Variants in ACVR2A observed in about 807,000 individuals in gnomAD.
The protein encoded by ACVR2A is activin receptor type-2A.
Under a neutral mutation model 61.4 loss-of-function variants are expected in ACVR2A, and 7 were observed. The observed-to-expected ratio is 0.11, with a 90% CI of 0.06 to 0.21. ACVR2A has a LOEUF of 0.21. Ranked by LOEUF, ACVR2A falls within the 10% of genes least tolerant of loss-of-function variation. ACVR2A has a pLI of 1.00. For synonymous variants in ACVR2A, 193 were observed against 208.3 expected, an observed-to-expected ratio of 0.93 and a Z score of 0.63; for missense variants, 322 against 621.7, an observed-to-expected ratio of 0.52 and a Z score of 5.13.
intron 1 of ACVR2A, among the ~76,000 whole-genome samples, chr2:147,893,305 A>T (rs1686635722): frequency 6.6e-6 from 1 of 152,138 alleles, no homozygotes; most frequent in Non-Finnish European, 1.5e-5. Flanking sequence ...GAGTGTTTTT[A>T]GTTTTCAGAG....
chr2:147,907,110 G>C (rs553312408), intron 4 of ACVR2A, among the ~76,000 whole-genome samples: 1 of 152,126 alleles, frequency 6.6e-6, no homozygotes, highest in Non-Finnish European at 1.5e-5. Flanking sequence ...CTGTTCCTGG[G>C]TTAGTTTGCT....
At chr2:147,882,250 A>G (rs374246907) in intron 1 of ACVR2A, among the ~76,000 whole-genome samples, 63 of 152,288 alleles carry the variant, frequency 4.1e-4, no homozygotes, top group Admixed American at 2.0e-4. Flanking sequence ...AGGAATTAAC[A>G]TTAGAAGACC....
At chr2:147,908,074 G>C (rs1159973956) in intron 4 of ACVR2A, among the ~76,000 whole-genome samples, 1 of 144,244 alleles carries the variant, frequency 6.9e-6, no homozygotes, top group East Asian at 2.0e-4. Context: ...GAAAAAAAAA[G>C]CAAAGTAGGA....
intron 1 of ACVR2A, among the ~76,000 whole-genome samples, chr2:147,859,157 T>TA (rs1685660838): frequency 6.6e-6 from 1 of 152,172 alleles, no homozygotes; most frequent in South Asian, 2.1e-4. Flanking sequence ...CAACTTTGTT[T>TA]TACCCCCAAG....
At position 147,927,606 on chromosome 2, in the gene ACVR2A, A is replaced by ATGTC. The variant is rs1388965322; in HGVS notation, c.*337_*340dup. 3.7e-5 allele frequency: 7 copies of ATGTC among 186,858 alleles called. No individual in the cohort carries two copies. Among genetic ancestry groups the ATGTC allele is most frequent in the African/African-American group, 1.6e-4 (7 of 42,882 alleles). The allele number at this position is 186,858 out of a possible 1,614,324, so 11.6% of individuals were successfully genotyped here. A position where few individuals can be genotyped will look rare whatever the true frequency, so the allele number is the denominator to read the frequency against. ...TTGAAAACTGACATCAGATTTCTTA[A>ATGTC]TGTCTGTCAGAAGACACTAATTCCT... On this transcript the variant is annotated 3_prime_UTR_variant, in exon 11 of 11. Transcript: ENST00000241416.
intron 1 of ACVR2A, among the ~76,000 whole-genome samples, chr2:147,888,797 C>T (rs1344132217): frequency 1.3e-5 from 2 of 151,102 alleles, no homozygotes; most frequent in African/African-American, 4.9e-5. Flanking sequence ...AAGTTCTTTT[C>T]CTTGCCTTAT....
intron 6 of ACVR2A, among the ~76,000 whole-genome samples, 159 bp from the exon 7 acceptor site, chr2:147,918,288 A>T (rs1445087513): frequency 6.6e-6 from 1 of 151,984 alleles, no homozygotes; most frequent in Non-Finnish European, 1.5e-5. Context: ...AAATGGAAGG[A>T]AATTTGAACC....
chr2:147,878,444 C>CT (rs199940101), intron 1 of ACVR2A, among the ~76,000 whole-genome samples: 21,598 of 144,964 alleles, frequency 0.15, 1,865 homozygotes, highest in Middle Eastern at 0.24. Flanking sequence ...AAGACTTTTA[C>CT]TTTTTTTTTT....
Position 147,927,462 on chromosome 2 carries a change from G to T in ACVR2A, c.*188G>T, listed in dbSNP as rs935586979. ...ACTGCATTGCCGACAGCACAGATGTGAAGGACATGAGACTAAGAGAAACCT... is the reference window on the plus strand; with the variant it reads ...ACTGCATTGCCGACAGCACAGATGTTAAGGACATGAGACTAAGAGAAACCT... On this transcript the variant is annotated 3_prime_UTR_variant, in exon 11 of 11. Transcript: ENST00000241416. 6 of 544,584 alleles carry T rather than the reference G, an allele frequency of 1.1e-5. No individual in the cohort carries two copies. Among genetic ancestry groups the T allele is most frequent in the African/African-American group, 2.0e-5 (1 of 50,800 alleles). The allele number at this position is 544,584 out of a possible 1,614,324, so 33.7% of individuals were successfully genotyped here.
chr2:147,848,499 T>A (rs927344950), intron 1 of ACVR2A, among the ~76,000 whole-genome samples: 1 of 152,108 alleles, frequency 6.6e-6, no homozygotes, highest in African/African-American at 2.4e-5. Context: ...GGTACAGCCT[T>A]CCACAACAAA....
At chr2:147,897,938 G>T (rs1686781523) in intron 2 of ACVR2A, among the ~76,000 whole-genome samples, 1 of 152,096 alleles carries the variant, frequency 6.6e-6, no homozygotes, top group Non-Finnish European at 1.5e-5. Flanking sequence ...AATGAGTTTG[G>T]GAATCATCTT....
In ACVR2A at chr2:147,920,342, C is replaced by G. The variant is rs750020244; in HGVS notation, c.1075C>G (p.Gln359Glu). The G allele has an allele frequency of 6.2e-7, 1 of 1,606,554 alleles. No homozygotes were observed. The highest frequency in any genetic ancestry group is 8.5e-7 in the Non-Finnish European group (1 of 1,174,504). The change falls in exon 8 of 11, where the codon CAG (glutamine) becomes GAG (glutamate). Residue 359 changes from glutamine to glutamate, a missense_variant and splice_region_variant. Gln to Glu is a conservative substitution (Grantham distance 29). Around this residue, in one of 3 missense-constraint regions of ACVR2A, gnomAD observed 146 missense variants for 383.8 expected, o/e 0.38. Transcript: ENST00000241416. ...CAAGTCTGCAGGCGATACCCATGGA[C>G]AGGTAAGGATGATGATTATAAAATG... is the stretch of plus-strand genomic sequence containing the variant. ...AGKSAGDTHG[Q>E]VGTRRYMAPE... is the part of the protein sequence containing the mutation.
chr2:147,857,408 G>A (rs535976625), intron 1 of ACVR2A, among the ~76,000 whole-genome samples: 3 of 151,878 alleles, frequency 2.0e-5, no homozygotes, highest in African/African-American at 4.8e-5. Context: ...GAGTAGAGGA[G>A]CCTACTCTGT....
chr2:147,890,102 A>T (rs776829751), intron 1 of ACVR2A, among the ~76,000 whole-genome samples: 18 of 152,278 alleles, frequency 1.2e-4, no homozygotes, highest in Middle Eastern at 3.4e-3. Flanking sequence ...GGCCAACTCT[A>T]TTAAGCCAGT....
At chr2:147,886,598 AT>A (rs1366142504) in intron 1 of ACVR2A, among the ~76,000 whole-genome samples, 2 of 152,238 alleles carry the variant, frequency 1.3e-5, no homozygotes, top group African/African-American at 2.4e-5. Context: ...GTGTAGTGAA[AT>A]TGATAATTGT....
chr2:147,871,136 A>C (rs1298060731), intron 1 of ACVR2A, among the ~76,000 whole-genome samples: 1 of 152,092 alleles, frequency 6.6e-6, no homozygotes, highest in African/African-American at 2.4e-5. Context: ...TTACAAGCTC[A>C]GTCTCCTGTC....
At chr2:147,845,000 G>GTTTTTTT (rs368783685), upstream of ACVR2A, 111 of 109,428 alleles carry the variant, frequency 1.0e-3, 44 homozygotes, top group African/African-American at 4.7e-3. Flanking sequence ...CCCAGTGAGC[G>GTTTTTTT]TTTTTTTTTT....
intron 1 of ACVR2A, among the ~76,000 whole-genome samples, chr2:147,882,028 C>A (rs1686315447): frequency 1.3e-5 from 2 of 151,952 alleles, no homozygotes; most frequent in South Asian, 4.1e-4. Flanking sequence ...GAAATTCTAC[C>A]ATTACAAATT....
intron 1 of ACVR2A, among the ~76,000 whole-genome samples, chr2:147,849,046 C>T (rs898624290): frequency 1.3e-5 from 2 of 152,024 alleles, no homozygotes; most frequent in Non-Finnish European, 2.9e-5. Flanking sequence ...CACATTCTTT[C>T]ATCCTTGATG....
Sources: allele counts gnomAD v4.1 joint callset (sites outside exome capture counted in the v4.1 genomes callset), GRCh38; gene constraint gnomAD v4.1.1; regional missense constraint gnomAD v4.1.1; transcripts MANE v1.5; gene names NCBI Gene and HGNC (gene_info 2026-07-23, HGNC 2026-07-21).